MAN1A1: variants seen among roughly 807,000 people sequenced by gnomAD.
MAN1A1 encodes mannosyl-oligosaccharide 1,2-alpha-mannosidase IA.
A neutral mutation model predicts 70.8 loss-of-function variants in MAN1A1; 29 were observed. That is an observed-to-expected ratio of 0.41 (90% CI 0.31 to 0.56). MAN1A1 has a LOEUF of 0.56. Among genes scored for constraint, MAN1A1 ranks in the 20% least tolerant of loss-of-function variants. MAN1A1 has a pLI of 0.29. For synonymous variants in MAN1A1, 349 were observed against 330.1 expected, an observed-to-expected ratio of 1.06 and a Z score of -0.62; for missense variants, 747 against 841.3, an observed-to-expected ratio of 0.89 and a Z score of 1.39.
chr6:119,261,858 T>A (rs560037082), intron 5 of MAN1A1, among the ~76,000 whole-genome samples: 1 of 152,272 alleles, frequency 6.6e-6, no homozygotes, highest in South Asian at 2.1e-4. Flanking sequence ...TCCTAAGTAG[T>A]GAAGTAACTG....
intron 2 of MAN1A1, among the ~76,000 whole-genome samples, chr6:119,337,898 C>G (rs1186989991): frequency 1.3e-5 from 2 of 151,996 alleles, no homozygotes. Flanking sequence ...TTATAAAATA[C>G]GTTTTTTACT....
intron 5 of MAN1A1, 58 bp from the exon 6 acceptor site, chr6:119,248,412 T>C: frequency 1.2e-6 from 1 of 863,312 alleles, no homozygotes; most frequent in East Asian, 2.4e-5. Flanking sequence ...AGATGAACTA[T>C]ACTATTATCT....
At chr6:119,192,769 C>G (rs960327277) in intron 9 of MAN1A1, among the ~76,000 whole-genome samples, 3 of 152,060 alleles carry the variant, frequency 2.0e-5, no homozygotes, top group Non-Finnish European at 2.9e-5. Context: ...AATACTTAAT[C>G]GCAAAAGCAC....
intron 2 of MAN1A1, among the ~76,000 whole-genome samples, chr6:119,334,592 A>G (rs1253201152): frequency 6.6e-6 from 1 of 152,224 alleles, no homozygotes; most frequent in Non-Finnish European, 1.5e-5. Context: ...AACTACATTT[A>G]AGGAGCAGAT....
intron 7 of MAN1A1, among the ~76,000 whole-genome samples, chr6:119,203,196 C>A (rs1335721961): frequency 6.6e-6 from 1 of 152,090 alleles, no homozygotes; most frequent in African/African-American, 2.4e-5. Context: ...TTATGGTAAC[C>A]CGAGCTGATT....
intron 6 of MAN1A1, among the ~76,000 whole-genome samples, chr6:119,222,221 T>C (rs575236187): frequency 4.2e-4 from 64 of 152,214 alleles, no homozygotes; most frequent in African/African-American, 1.5e-3. Flanking sequence ...TTTTGGCTAA[T>C]ATAAAACGTA....
At chr6:119,251,273 C>T (rs757689889) in intron 5 of MAN1A1, among the ~76,000 whole-genome samples, 15 of 152,122 alleles carry the variant, frequency 9.9e-5, no homozygotes, top group South Asian at 2.1e-4. Flanking sequence ...TGTCTAACAT[C>T]GGGTCAAATC....
At chr6:119,235,528 G>C (rs1774818182) in intron 6 of MAN1A1, among the ~76,000 whole-genome samples, 1 of 152,202 alleles carries the variant, frequency 6.6e-6, no homozygotes, top group African/African-American at 2.4e-5. Context: ...GAAGCTAGCA[G>C]AGGTTGGTTC....
intron 2 of MAN1A1, among the ~76,000 whole-genome samples, chr6:119,329,865 A>G (rs1435112565): frequency 2.6e-5 from 4 of 152,148 alleles, no homozygotes; most frequent in Non-Finnish European, 5.9e-5. Flanking sequence ...CAGCCCCAGT[A>G]AGGGTCATCT....
At chr6:119,192,520 AT>A (rs1773467596) in intron 9 of MAN1A1, among the ~76,000 whole-genome samples, 1 of 152,206 alleles carries the variant, frequency 6.6e-6, no homozygotes, top group South Asian at 2.1e-4. Context: ...TTATATTTAA[AT>A]AAAAAAGTAC....
chr6:119,250,549 G>A (rs1246863702), intron 5 of MAN1A1, among the ~76,000 whole-genome samples: 1 of 152,076 alleles, frequency 6.6e-6, no homozygotes, highest in Admixed American at 6.5e-5. Flanking sequence ...TAGTTTTTAT[G>A]GTGATAATGA....
intron 6 of MAN1A1, among the ~76,000 whole-genome samples, chr6:119,233,138 T>C (rs1477059056): frequency 6.6e-6 from 1 of 152,216 alleles, no homozygotes; most frequent in East Asian, 1.9e-4. Flanking sequence ...CCAAATATGT[T>C]GTTCATTTAT....
intron 5 of MAN1A1, among the ~76,000 whole-genome samples, chr6:119,290,367 C>T (rs9489669): frequency 0.38 from 57,387 of 151,726 alleles, 11,335 homozygotes; most frequent in Non-Finnish European, 0.41. Context: ...TCCACAAGCC[C>T]GCCACTACAC....
Position 119,328,360 on chromosome 6 carries a change from G to A in MAN1A1, c.603+20103C>T, listed in dbSNP as rs529684401. 4.6e-5 allele frequency among the ~76,000 whole-genome samples: 7 copies of A among 152,308 alleles called. No individual in the cohort carries two copies. The South Asian group carries it at 1.5e-3, about 32-fold the overall frequency. ...CTCACTTGCTGGCTCCTCACATCCA[G>A]GAAAGGTAGGCATTATCATCACTCT... On this transcript the variant is annotated intron_variant, in intron 2 of 12. Coordinates refer to ENST00000368468, the MANE Select transcript of MAN1A1 (RefSeq NM_005907.4).
chr6:119,225,351 G>A (rs1193784744), intron 6 of MAN1A1, among the ~76,000 whole-genome samples: 1 of 151,990 alleles, frequency 6.6e-6, no homozygotes, highest in African/African-American at 2.4e-5. Flanking sequence ...GAAATGAAGT[G>A]CCATTGAACT....
At chr6:119,269,883 A>T (rs1487491969) in intron 5 of MAN1A1, among the ~76,000 whole-genome samples, 1 of 151,492 alleles carries the variant, frequency 6.6e-6, no homozygotes, top group Non-Finnish European at 1.5e-5. Flanking sequence ...CTGGTTTTGA[A>T]CTCCTGGGTT....
chr6:119,271,252 T>C (rs1358169598), intron 5 of MAN1A1, among the ~76,000 whole-genome samples: 1 of 152,200 alleles, frequency 6.6e-6, no homozygotes, highest in Admixed American at 6.5e-5. Flanking sequence ...AATGTTAGTG[T>C]ATCATAGTTC....
chr6:119,333,763 C>T (rs1773381571), intron 2 of MAN1A1, among the ~76,000 whole-genome samples: 1 of 152,194 alleles, frequency 6.6e-6, no homozygotes, highest in Admixed American at 6.5e-5. Context: ...CTGGTTAACT[C>T]AGACCAATAC....
intron 2 of MAN1A1, among the ~76,000 whole-genome samples, chr6:119,339,398 G>A (rs1773543731): frequency 6.6e-6 from 1 of 152,140 alleles, no homozygotes; most frequent in Admixed American, 6.5e-5. Flanking sequence ...CAGGTCCAAG[G>A]GACTGGTTAA....
Sources: gnomAD v4.1 joint callset for allele counts (sites outside exome capture counted in the v4.1 genomes callset) on GRCh38, gnomAD v4.1.1 for gene constraint, MANE v1.5 for transcripts, NCBI Gene and HGNC (gene_info 2026-07-23, HGNC 2026-07-21) for gene names.